Variants in NBEA observed in about 807,000 individuals in gnomAD.
The protein encoded by NBEA is neurobeachin.
A neutral mutation model predicts 343.4 loss-of-function variants in NBEA; 44 were observed. The observed-to-expected ratio is 0.13, with a 90% confidence interval of 0.10 to 0.16. The LOEUF is 0.16. Ranked by LOEUF, NBEA falls within the 10% of genes least tolerant of loss-of-function variation. The probability of loss-of-function intolerance (pLI) is 1.00; values close to 1 mark genes in which losing one functional copy is unlikely to be tolerated. For synonymous variants in NBEA, 1,175 were observed against 1,238.7 expected (o/e 0.95, Z 1.08); for missense variants, 2,555 against 3,631.3 (o/e 0.70, Z 7.62).
intron 34 of NBEA, chr13:35,251,913 C>T (rs1036228982): frequency 6.5e-6 from 1 of 153,288 alleles, no homozygotes; most frequent in Admixed American, 6.5e-5. Context: ...CTTCTGCTCC[C>T]ACCCCAGAAA....
chr13:35,351,398 T>G (rs2040193537), intron 37 of NBEA, among the ~76,000 whole-genome samples: 1 of 151,990 alleles, frequency 6.6e-6, no homozygotes, highest in Non-Finnish European at 1.5e-5. Flanking sequence ...AATATTTCTC[T>G]TTATGTTTAC....
At chr13:35,240,275 A>AG (rs1197702491) in intron 34 of NBEA, among the ~76,000 whole-genome samples, 1 of 151,756 alleles carries the variant, frequency 6.6e-6, no homozygotes, top group East Asian at 1.9e-4. Context: ...GAAGTTATTG[A>AG]GGGGGGATGT....
chr13:35,491,975 T>C (rs1385074422), intron 41 of NBEA, among the ~76,000 whole-genome samples: 1 of 151,942 alleles, frequency 6.6e-6, no homozygotes, highest in African/African-American at 2.4e-5. Context: ...AATGGAATTG[T>C]AGAGACAGAA....
intron 36 of NBEA, among the ~76,000 whole-genome samples, chr13:35,348,511 A>T (rs879906351): frequency 5.9e-5 from 9 of 152,034 alleles, no homozygotes; most frequent in Non-Finnish European, 1.2e-4. Context: ...TTCTGTAGTT[A>T]AAAAAGTCAG....
chr13:35,484,290 A>G (rs1363800021), intron 41 of NBEA, among the ~76,000 whole-genome samples: 4 of 149,462 alleles, frequency 2.7e-5, no homozygotes, highest in Admixed American at 2.0e-4. Flanking sequence ...ATATATATAT[A>G]TATGTAGACC....
At chr13:35,334,352 C>T (rs867214539) in intron 36 of NBEA, among the ~76,000 whole-genome samples, 13 of 152,138 alleles carry the variant, frequency 8.5e-5, no homozygotes, top group African/African-American at 1.9e-4. Context: ...TCACTGCACC[C>T]TCCAACTCAC....
intron 38 of NBEA, among the ~76,000 whole-genome samples, chr13:35,366,718 G>T (rs2152879211): frequency 6.6e-6 from 1 of 150,542 alleles, no homozygotes; most frequent in East Asian, 1.9e-4. Context: ...AAAAAAAACT[G>T]AGGAAATTGG....
chr13:35,031,586 T>A (rs757070987), intron 1 of NBEA, among the ~76,000 whole-genome samples: 2 of 151,634 alleles, frequency 1.3e-5, no homozygotes, highest in Admixed American at 6.6e-5. Context: ...TGTCTCCCAT[T>A]GTGCCTAAGT....
chr13:35,303,446 C>T (rs2036684922), intron 35 of NBEA, among the ~76,000 whole-genome samples: 1 of 151,954 alleles, frequency 6.6e-6, no homozygotes, highest in Admixed American at 6.6e-5. Context: ...AATTTAAAAC[C>T]ACATATATCT....
At chr13:35,172,112 TAAG>T (rs2070506619) in intron 26 of NBEA, among the ~76,000 whole-genome samples, 2 of 152,156 alleles carry the variant, frequency 1.3e-5, no homozygotes, top group African/African-American at 4.8e-5. Flanking sequence ...GAGCAGGACA[TAAG>T]AACTGCAAGG....
At chr13:35,080,503 A>G (rs1005046765) in intron 10 of NBEA, among the ~76,000 whole-genome samples, 3 of 152,162 alleles carry the variant, frequency 2.0e-5, no homozygotes, top group Admixed American at 6.6e-5. Context: ...TTTATCAGAA[A>G]GTCCAAGCTG....
intron 1 of NBEA, among the ~76,000 whole-genome samples, chr13:35,010,606 G>T (rs979083755): frequency 1.6e-4 from 24 of 147,848 alleles, no homozygotes; most frequent in Non-Finnish European, 3.0e-4. Flanking sequence ...AGATGGGCCA[G>T]GCATGGTGGC....
chr13:35,271,633 A>G (rs2034162584), intron 34 of NBEA, among the ~76,000 whole-genome samples: 1 of 152,264 alleles, frequency 6.6e-6, no homozygotes, highest in South Asian at 2.1e-4. Context: ...ATGGCTAACT[A>G]GAATAACCAG....
intron 8 of NBEA, among the ~76,000 whole-genome samples, chr13:35,067,577 C>T (rs1283508333): frequency 6.6e-6 from 1 of 152,076 alleles, no homozygotes; most frequent in East Asian, 1.9e-4. Flanking sequence ...CCAGAAGGAT[C>T]CTACCTGCCT....
At chr13:34,971,069 T>A (rs1489315617) in intron 1 of NBEA, among the ~76,000 whole-genome samples, 1 of 152,168 alleles carries the variant, frequency 6.6e-6, no homozygotes, top group African/African-American at 2.4e-5. Flanking sequence ...GGTTTGTAGT[T>A]GTCACTGTAG....
chr13:35,549,650 C>T (rs1001490291), intron 41 of NBEA, among the ~76,000 whole-genome samples: 5 of 152,286 alleles, frequency 3.3e-5, no homozygotes, highest in Admixed American at 3.3e-4. Flanking sequence ...ATCATATCTC[C>T]ATTCAAGCAG....
chr13:35,619,538 T>C (rs928184546), intron 48 of NBEA, among the ~76,000 whole-genome samples: 1 of 152,124 alleles, frequency 6.6e-6, no homozygotes, highest in Non-Finnish European at 1.5e-5. Flanking sequence ...GCAACCTTCA[T>C]TTAACCCAAA....
chr13:35,086,665 A>G (rs2064782922), intron 10 of NBEA, among the ~76,000 whole-genome samples: 2 of 151,896 alleles, frequency 1.3e-5, no homozygotes, highest in African/African-American at 2.4e-5. Context: ...TTTCCTTTGG[A>G]TAAATACTCA....
At chr13:35,371,287 G>A (rs892967255) in intron 38 of NBEA, among the ~76,000 whole-genome samples, 11 of 151,934 alleles carry the variant, frequency 7.2e-5, no homozygotes, top group African/African-American at 1.2e-4. Flanking sequence ...GTTGTGTTAT[G>A]AGGACTTTGT....
Sources: allele counts gnomAD v4.1 joint callset (sites outside exome capture counted in the v4.1 genomes callset), GRCh38; gene constraint gnomAD v4.1.1; transcripts MANE v1.5; gene names NCBI Gene and HGNC (gene_info 2026-07-23, HGNC 2026-07-21).